The following LRBA variants were observed in gnomAD, a reference collection of about 807,000 sequenced individuals.
LRBA encodes the protein LPS responsive beige-like anchor protein, also known as lipopolysaccharide-responsive and beige-like anchor protein.
LRBA carries 176 observed loss-of-function variants against 330.0 expected under a neutral mutation model. The observed-to-expected ratio is 0.53, with a 90% CI of 0.47 to 0.60. The LOEUF is 0.60. Ranked by LOEUF, LRBA falls within the 20% of genes least tolerant of loss-of-function variation. The pLI is 0.00. For synonymous variants in LRBA, 1,230 were observed against 1,193.0 expected, an observed-to-expected ratio of 1.03 and a Z score of -0.64; for missense variants, 3,259 against 3,444.8, an observed-to-expected ratio of 0.95 and a Z score of 1.35.
At chr4:150,974,414 G>A (rs569743022) in intron 2 of LRBA, among the ~76,000 whole-genome samples, 4 of 152,148 alleles carry the variant, frequency 2.6e-5, no homozygotes, top group Non-Finnish European at 4.4e-5. Flanking sequence ...ATCAAGAGAA[G>A]AACAACTACC....
At position 150,578,048 on chromosome 4, in the gene LRBA, T is replaced by C. The variant is rs77040118; in HGVS notation, c.6330+10000A>G. On this transcript the variant is annotated intron_variant, in intron 40 of 56. Transcript: ENST00000651943. ...AAATGACAGGCAAAGGGCATTAGGT[T>C]TTTTTACTTCCATACTGTTTTCCTA... 8.4e-3 allele frequency among the ~76,000 whole-genome samples: 1,287 copies of C among 152,312 alleles called. 22 individuals carry two copies. Among genetic ancestry groups the C allele is most frequent in the African/African-American group, 0.028 (1,143 of 41,562 alleles).
At chr4:150,662,985 A>C (rs996255027) in intron 37 of LRBA, among the ~76,000 whole-genome samples, 9 of 152,132 alleles carry the variant, frequency 5.9e-5, no homozygotes, top group South Asian at 2.1e-4. Context: ...AACAAACAAA[A>C]AAAAACAGAT....
chr4:150,853,606 T>C (rs1294001173), intron 22 of LRBA, among the ~76,000 whole-genome samples: 2 of 152,168 alleles, frequency 1.3e-5, no homozygotes, highest in African/African-American at 4.8e-5. Flanking sequence ...GACTACAATA[T>C]ATTAGGCACC....
intron 17 of LRBA, among the ~76,000 whole-genome samples, chr4:150,891,866 T>C (rs189154644): frequency 6.6e-6 from 1 of 152,280 alleles, no homozygotes; most frequent in African/African-American, 2.4e-5. Context: ...AGAAGATCAA[T>C]GTGTGTTTGA....
intron 40 of LRBA, among the ~76,000 whole-genome samples, chr4:150,569,398 C>A (rs1258807128): frequency 1.3e-5 from 2 of 152,092 alleles, no homozygotes; most frequent in African/African-American, 4.8e-5. Context: ...CTTTCTATTG[C>A]TTTACATTGT....
intron 40 of LRBA, among the ~76,000 whole-genome samples, chr4:150,540,694 T>C (rs1299674515): frequency 1.3e-5 from 2 of 152,182 alleles, no homozygotes; most frequent in East Asian, 1.9e-4. Context: ...ATGTTACTAT[T>C]ACACAACTCA....
intron 40 of LRBA, chr4:150,579,154 A>C: frequency 2.2e-6 from 1 of 450,454 alleles, no homozygotes; most frequent in Non-Finnish European, 4.5e-6. Flanking sequence ...TATCTCCTGC[A>C]GAAGGAGCTG....
intron 40 of LRBA, among the ~76,000 whole-genome samples, chr4:150,548,701 CT>C: frequency 6.6e-6 from 1 of 152,248 alleles, no homozygotes; most frequent in Admixed American, 6.5e-5. Flanking sequence ...GTTTTGGAAC[CT>C]GTATCACAAC....
chr4:150,870,610 C>T lies in LRBA; in HGVS notation c.2368-4G>A. On this transcript the variant is annotated splice_polypyrimidine_tract_variant and splice_region_variant and intron_variant, in intron 19 of 56. Coordinates refer to ENST00000651943, the MANE Select transcript of LRBA (RefSeq NM_001364905.1). The stretch of plus-strand genomic sequence containing the variant: ...TACCAATCTGTTCTATAAGAATCTA[C>T]AGAAGTAAAACAATGGATTACATTA... The T allele has an allele frequency of 5.6e-6, 8 of 1,440,932 alleles. No homozygotes were observed. Among genetic ancestry groups the T allele is most frequent in the Non-Finnish European group, 7.8e-6 (8 of 1,024,792 alleles). The allele number at this position is 1,440,932 out of a possible 1,614,324, so 89.3% of individuals were successfully genotyped here. A position where few individuals can be genotyped will look rare whatever the true frequency, so the allele number is the denominator to read the frequency against.
At chr4:150,984,047 C>G (rs992416064) in intron 2 of LRBA, among the ~76,000 whole-genome samples, 1 of 152,198 alleles carries the variant, frequency 6.6e-6, no homozygotes, top group African/African-American at 2.4e-5. Flanking sequence ...CCACCCCCAA[C>G]TCCAACAGCT....
intron 34 of LRBA, among the ~76,000 whole-genome samples, chr4:150,783,709 G>T (rs1289789578): frequency 6.6e-6 from 1 of 152,220 alleles, no homozygotes; most frequent in Non-Finnish European, 1.5e-5. Flanking sequence ...AGTGTCAGGA[G>T]AATGTGGGGA....
intron 20 of LRBA, among the ~76,000 whole-genome samples, chr4:150,869,255 T>C (rs564248186): frequency 4.1e-4 from 62 of 152,224 alleles, no homozygotes; most frequent in Admixed American, 1.1e-3. Flanking sequence ...AAGATTTTCT[T>C]TCATAATCTT....
intron 13 of LRBA, among the ~76,000 whole-genome samples, chr4:150,902,912 A>C (rs898670236): frequency 6.6e-6 from 1 of 152,206 alleles, no homozygotes; most frequent in Non-Finnish European, 1.5e-5. Flanking sequence ...CCACCACTGT[A>C]GGGAAACCTT....
chr4:150,880,192 A>G (rs766721383), intron 17 of LRBA, among the ~76,000 whole-genome samples: 4 of 152,248 alleles, frequency 2.6e-5, no homozygotes, highest in Non-Finnish European at 5.9e-5. Context: ...GGTTAGCCAT[A>G]TGCAGAAGAA....
chr4:150,514,209 A>G (rs931653170), intron 40 of LRBA, among the ~76,000 whole-genome samples: 1 of 152,156 alleles, frequency 6.6e-6, no homozygotes, highest in African/African-American at 2.4e-5. Context: ...AGTAGCTGGG[A>G]TTACAGGCAT....
intron 2 of LRBA, among the ~76,000 whole-genome samples, chr4:151,005,453 A>C (rs1346454678): frequency 2.6e-5 from 4 of 151,080 alleles, no homozygotes; most frequent in Admixed American, 2.0e-4. Flanking sequence ...AAAAAAAAAA[A>C]AAAAAAAAAA....
chr4:150,625,960 G>C (rs1034186713), intron 37 of LRBA, among the ~76,000 whole-genome samples: 2 of 151,738 alleles, frequency 1.3e-5, no homozygotes, highest in African/African-American at 4.8e-5. Context: ...CCAAAGTGCT[G>C]AGATTACAGG....
At chr4:150,937,700 T>C (rs927577969) in intron 2 of LRBA, among the ~76,000 whole-genome samples, 1 of 152,136 alleles carries the variant, frequency 6.6e-6, no homozygotes, top group African/African-American at 2.4e-5. Flanking sequence ...ACATGCTTTC[T>C]ATAGGTTATA....
At chr4:150,639,360 T>TAAAAAAAAAAAAAAGAAA (rs371245495) in intron 37 of LRBA, among the ~76,000 whole-genome samples, 23 of 106,626 alleles carry the variant, frequency 2.2e-4, no homozygotes, top group Non-Finnish European at 3.5e-4. Flanking sequence ...TAAAGTATAA[T>TAAAAAAAAAAAAAAGAAA]AAAAAAAAAA....
Sources: allele counts gnomAD v4.1 joint callset (sites outside exome capture counted in the v4.1 genomes callset), GRCh38; gene constraint gnomAD v4.1.1; transcripts MANE v1.5; gene names NCBI Gene and HGNC (gene_info 2026-07-23, HGNC 2026-07-21).